The following SLC47A1 variants were observed in gnomAD, a reference collection of about 807,000 sequenced individuals.
SLC47A1 encodes the protein solute carrier family 47 member 1.
In SLC47A1, 58 loss-of-function variants were observed where a neutral mutation model predicts 65.8. The observed-to-expected ratio is 0.88, with a 90% CI of 0.71 to 1.10. SLC47A1 has a LOEUF of 1.10. Among genes scored for constraint, SLC47A1 ranks in the 50% least tolerant of loss-of-function variants. The probability of loss-of-function intolerance (pLI) is 0.00; values close to 1 mark genes in which losing one functional copy is unlikely to be tolerated. For synonymous variants in SLC47A1, 285 were observed against 295.0 expected (o/e 0.97, Z 0.35); for missense variants, 706 against 719.2 (o/e 0.98, Z 0.21).
At chr17:19,534,519 T>A in intron 1 of SLC47A1, 1 of 155,100 alleles carries the variant, frequency 6.4e-6, no homozygotes, top group Non-Finnish European at 1.4e-5. Context: ...AACTTGTTTC[T>A]TTGAAAAGTA....
chr17:19,540,876 A>ACACC (rs774836898), intron 1 of SLC47A1, among the ~76,000 whole-genome samples: 1 of 149,758 alleles, frequency 6.7e-6, no homozygotes, highest in Non-Finnish European at 1.5e-5. Flanking sequence ...ACACACACAC[A>ACACC]CCCCTAGGGT....
chr17:19,542,317 G>A (rs997432219), intron 1 of SLC47A1, 76 bp from the exon 2 acceptor site: 8 of 911,902 alleles, frequency 8.8e-6, no homozygotes, highest in South Asian at 2.1e-5. Flanking sequence ...TTGTTGGGTC[G>A]GGGTCACACT....
intron 6 of SLC47A1, among the ~76,000 whole-genome samples, chr17:19,552,697 C>T (rs1408540904): frequency 6.6e-6 from 1 of 152,140 alleles, no homozygotes; most frequent in Non-Finnish European, 1.5e-5. Context: ...AACTTGGTTA[C>T]AGAGGACACG....
intron 14 of SLC47A1, chr17:19,567,778 G>A (rs2084371561): frequency 6.4e-6 from 1 of 156,422 alleles, no homozygotes; most frequent in African/African-American, 2.4e-5. Context: ...GCAATGGGTG[G>A]CCAGTGCCCT....
At chr17:19,549,447 TCGGGATTACAGGC>T (rs1368493541) in intron 4 of SLC47A1, among the ~76,000 whole-genome samples, 175 bp from the exon 5 acceptor site, 1 of 152,048 alleles carries the variant, frequency 6.6e-6, no homozygotes, top group Non-Finnish European at 1.5e-5. Context: ...ACTGCTTGCC[TCGGGATTACAGGC>T]TGGGATTACA....
intron 2 of SLC47A1, among the ~76,000 whole-genome samples, chr17:19,544,536 C>A (rs902243168): frequency 6.6e-6 from 1 of 152,172 alleles, no homozygotes; most frequent in African/African-American, 2.4e-5. Flanking sequence ...TGATACCACT[C>A]CCTGGTTTGG....
intron 12 of SLC47A1, among the ~76,000 whole-genome samples, chr17:19,564,088 C>T (rs980788925): frequency 6.6e-6 from 1 of 152,156 alleles, no homozygotes; most frequent in African/African-American, 2.4e-5. Context: ...CGCGGTGGCT[C>T]ATGCCTGTAA....
At chr17:19,576,994 G>C (rs1405918534) in intron 16 of SLC47A1, among the ~76,000 whole-genome samples, 1 of 152,106 alleles carries the variant, frequency 6.6e-6, no homozygotes, top group Non-Finnish European at 1.5e-5. Context: ...TGATCTGCCT[G>C]CCTCAGCCTC....
chr17:19,534,026 C>A lies in SLC47A1; in HGVS notation c.87C>A (p.Ser29=). Residue 29 remains serine, a synonymous_variant, in exon 1 of 17, where the codon TCC becomes TCA. Coordinates refer to ENST00000270570, the MANE Select transcript of SLC47A1 (RefSeq NM_018242.3). ...EVRGSRCLRL[S]AFREELRALL... ...GTGGGTCGCGCTGCTTGCGGCTGTC[C>A]GCCTTCCGAGAAGAGCTGCGGGCGC... The A allele has an allele frequency of 1.9e-6, 3 of 1,547,480 alleles. No homozygotes were observed. The highest frequency in any genetic ancestry group is 2.6e-6 in the Non-Finnish European group (3 of 1,147,526).
In SLC47A1 at chr17:19,566,874, G is replaced by T; in HGVS notation, c.1176+15G>T. On this transcript the variant is annotated intron_variant, in intron 13 of 16. Transcript: ENST00000270570. ...AAGCTCTTGCTGTAAGTATTATGTA[G>T]TAGTCCCCTAAGCACTGTTATGATC... The T allele has an allele frequency of 6.2e-7, 1 of 1,613,856 alleles. No homozygotes were observed.
In SLC47A1 at chr17:19,551,306, C is replaced by T. The variant is rs968129266; in HGVS notation, c.499-118C>T. The T allele has an allele frequency of 2.5e-5, 22 of 888,048 alleles. No homozygotes were observed. In the Middle Eastern group the frequency reaches 8.6e-4, roughly 35 times the overall value. 55.0% of individuals were successfully genotyped at this position (888,048 alleles called of 1,614,324 possible). ...CCTGAGACGACAGCCTCTGTGGCTC[C>T]GTGCGGGAGCAGAGGGCAGCCGAAC... On this transcript the variant is annotated intron_variant, in intron 5 of 16. Transcript: ENST00000270570.
At chr17:19,544,471 T>C (rs1825212936) in intron 2 of SLC47A1, among the ~76,000 whole-genome samples, 1 of 152,198 alleles carries the variant, frequency 6.6e-6, no homozygotes, top group South Asian at 2.1e-4. Context: ...GGTTCCCTGC[T>C]GTAGAGTCAA....
intron 6 of SLC47A1, among the ~76,000 whole-genome samples, chr17:19,552,848 G>T (rs1916491837): frequency 1.3e-5 from 2 of 152,344 alleles, no homozygotes; most frequent in South Asian, 4.1e-4. Flanking sequence ...GCATCGAGAG[G>T]CGGGCTGGCC....
At chr17:19,563,718 GT>G (rs1259597855) in intron 12 of SLC47A1, among the ~76,000 whole-genome samples, 1 of 152,172 alleles carries the variant, frequency 6.6e-6, no homozygotes, top group African/African-American at 2.4e-5. Context: ...GCTGGGCGCG[GT>G]GGCTCACGCC....
rs762910783 is a variant in SLC47A1 at position 19,546,440 on chromosome 17, C to T, written c.243C>T (p.Ile81=). 1 of 1,613,758 alleles carries T rather than the reference C, an allele frequency of 6.2e-7. No individual in the cohort carries two copies. The highest frequency in any genetic ancestry group is 2.2e-5 in the East Asian group (1 of 44,868). Residue 81 remains isoleucine, a synonymous_variant, in exon 3 of 17, where the codon ATC becomes ATT. Transcript: ENST00000270570. ...ATCTTTGGGTTTATTTGCAGGTTAT[C>T]AATGTCACTGGTGTCTCAGTGGGAT... is the stretch of plus-strand genomic sequence containing the variant. The part of the protein sequence containing the change: ...LDAVTLAIAV[I]NVTGVSVGFG...
chr17:19,564,139 G>A (rs997684068), intron 12 of SLC47A1, among the ~76,000 whole-genome samples: 28 of 152,262 alleles, frequency 1.8e-4, no homozygotes, highest in Non-Finnish European at 3.7e-4. Flanking sequence ...GATCACTTGA[G>A]CCCAGGAGTT....
chr17:19,566,772 G>A lies in SLC47A1; in HGVS notation c.1107-18G>A. 1 of 1,613,378 alleles carries A rather than the reference G, an allele frequency of 6.2e-7. No homozygotes were observed. The highest frequency in any genetic ancestry group is 1.1e-5 in the South Asian group (1 of 91,052). Reference sequence around the variant, plus strand: ...CCACTTTGTCTCCTAATCACCACGTGCTTTATTTTCCTAACAGAGACATCA... The same window carrying A: ...CCACTTTGTCTCCTAATCACCACGTACTTTATTTTCCTAACAGAGACATCA... On this transcript the variant is annotated intron_variant, in intron 12 of 16. Transcript: ENST00000270570.
At chr17:19,560,629 T>A in intron 12 of SLC47A1, 136 bp downstream of exon 12, 1 of 869,104 alleles carries the variant, frequency 1.2e-6, no homozygotes, top group Non-Finnish European at 1.9e-6. Context: ...AACATCTCAC[T>A]CACACCTGTA....
intron 5 of SLC47A1, among the ~76,000 whole-genome samples, chr17:19,550,042 A>G (rs1007258911): frequency 2.6e-5 from 4 of 152,214 alleles, no homozygotes; most frequent in African/African-American, 9.7e-5. Context: ...GTTTGACCAC[A>G]CAGAACCTTA....
Sources: allele counts gnomAD v4.1 joint callset (sites outside exome capture counted in the v4.1 genomes callset), GRCh38; gene constraint gnomAD v4.1.1; transcripts MANE v1.5; gene names NCBI Gene and HGNC (gene_info 2026-07-23, HGNC 2026-07-21).